Variants in PON1 observed in about 807,000 individuals in gnomAD.
PON1 encodes the protein paraoxonase 1, also known as serum paraoxonase/arylesterase 1.
In PON1, 37 loss-of-function variants were observed where a neutral mutation model predicts 39.2. The ratio of observed to expected loss-of-function variants is 0.94; its 90% CI spans 0.73 to 1.24. PON1 has a LOEUF of 1.24. PON1 is among the 50% of genes most tolerant of loss of function. PON1 has a pLI of 0.00. For synonymous variants in PON1, 148 were observed against 152.2 expected (o/e 0.97, Z 0.21); for missense variants, 397 against 413.5 (o/e 0.96, Z 0.35).
Position 95,316,803 on chromosome 7 carries a change from G to T in PON1, c.146-14C>A. The T allele has an allele frequency of 6.2e-7, 1 of 1,606,678 alleles. No homozygotes were observed. Among genetic ancestry groups the T allele is most frequent in the Non-Finnish European group, 8.5e-7 (1 of 1,173,196 alleles). On this transcript the variant is annotated splice_polypyrimidine_tract_variant and intron_variant, in intron 2 of 8. Transcript: ENST00000222381. ...CAGAGCCAGTTTCTGCCAGAAAAGA[G>T]AACAGAAAGTACAGGTTGTTTCATA...
chr7:95,304,032 G>A (rs890256615), intron 7 of PON1, among the ~76,000 whole-genome samples: 1 of 152,018 alleles, frequency 6.6e-6, no homozygotes, highest in African/African-American at 2.4e-5. Flanking sequence ...AAACTCAGTG[G>A]CATTAAGTAT....
At chr7:95,315,570 T>C (rs1353681495) in intron 3 of PON1, 80 bp from the exon 4 acceptor site, 13 of 1,458,376 alleles carry the variant, frequency 8.9e-6, no homozygotes, top group Non-Finnish European at 1.1e-5. Flanking sequence ...GGCCCATGGG[T>C]TCATGTTGAC....
At chr7:95,307,452 G>A (rs1007816016) in intron 6 of PON1, among the ~76,000 whole-genome samples, 2 of 152,202 alleles carry the variant, frequency 1.3e-5, no homozygotes, top group Non-Finnish European at 2.9e-5. Flanking sequence ...GATATTTCAT[G>A]TATATACCAA....
At chr7:95,299,961 C>T (rs562290287) in intron 8 of PON1, among the ~76,000 whole-genome samples, 6 of 152,164 alleles carry the variant, frequency 3.9e-5, no homozygotes, top group African/African-American at 1.2e-4. Flanking sequence ...ACACTTAATT[C>T]CTGGTTTTTA....
intron 3 of PON1, 91 bp downstream of exon 3, chr7:95,316,643 G>T: frequency 9.8e-7 from 1 of 1,018,916 alleles, no homozygotes; most frequent in Non-Finnish European, 1.6e-6. Context: ...TTGAAAGTGG[G>T]CATGGGTATA....
At chr7:95,316,925 T>C in intron 2 of PON1, 136 bp from the exon 3 acceptor site, 1 of 720,440 alleles carries the variant, frequency 1.4e-6, no homozygotes, top group East Asian at 2.6e-5. Context: ...ATTCATTCTT[T>C]CATTTATTCA....
chr7:95,315,835 G>C (rs1239154767), intron 3 of PON1, among the ~76,000 whole-genome samples: 1 of 152,234 alleles, frequency 6.6e-6, no homozygotes, highest in Non-Finnish European at 1.5e-5. Context: ...AAGGAATACA[G>C]AGAGAATATT....
intron 8 of PON1, 71 bp from the exon 9 acceptor site, chr7:95,299,173 C>T (rs1474711535): frequency 2.8e-6 from 4 of 1,424,294 alleles, no homozygotes; most frequent in Non-Finnish European, 3.0e-6. Context: ...ATAATAGGGT[C>T]ATCCTCCATA....
chr7:95,319,542 T>C (rs1486454128), intron 1 of PON1, among the ~76,000 whole-genome samples: 1 of 152,098 alleles, frequency 6.6e-6, no homozygotes, highest in African/African-American at 2.4e-5. Context: ...CCAGTCTAGG[T>C]ACTAGAAATA....
chr7:95,298,675 A>AATT lies in PON1; in HGVS notation c.*266_*268dup. Reference sequence around the variant, plus strand: ...CACACACTGTTATTTAATATCTGACAATTGACATAACTGATTTATCCATTT... The same window carrying AATT: ...CACACACTGTTATTTAATATCTGACAATTATTGACATAACTGATTTATCCATTT... On this transcript the variant is annotated 3_prime_UTR_variant, in exon 9 of 9. Coordinates refer to ENST00000222381, the MANE Select transcript of PON1 (RefSeq NM_000446.7). 1.9e-6 allele frequency: 1 copy of AATT among 518,720 alleles called. No homozygotes were observed. The highest frequency in any genetic ancestry group is 2.1e-5 in the South Asian group (1 of 48,634). 32.1% of individuals were successfully genotyped at this position (518,720 alleles called of 1,614,324 possible). A position where few individuals can be genotyped will look rare whatever the true frequency, so the allele number is the denominator to read the frequency against.
intron 1 of PON1, among the ~76,000 whole-genome samples, chr7:95,320,358 A>T (rs1352402827): frequency 6.6e-6 from 1 of 152,222 alleles, no homozygotes. Context: ...AACATAGAAT[A>T]ATCACAGTTA....
intron 8 of PON1, among the ~76,000 whole-genome samples, chr7:95,299,912 A>C (rs1227904390): frequency 6.6e-6 from 1 of 152,188 alleles, no homozygotes; most frequent in African/African-American, 2.4e-5. Context: ...GTCCGTTTTC[A>C]TGTATTTTCA....
chr7:95,318,551 G>A (rs1807825150), intron 1 of PON1, 158 bp from the exon 2 acceptor site: 1 of 643,650 alleles, frequency 1.6e-6, no homozygotes, highest in Non-Finnish European at 2.8e-6. Context: ...GCCAGGGCAA[G>A]ACAAGTGGGG....
rs568198078 is a variant in PON1, at chr7:95,306,383, G to A, written c.699-17C>T. 2.6e-6 allele frequency: 4 copies of A among 1,536,764 alleles called. No homozygotes were observed. The East Asian group carries it at 9.0e-5, about 35-fold the overall frequency. On this transcript the variant is annotated splice_polypyrimidine_tract_variant and intron_variant, in intron 6 of 8. Coordinates refer to ENST00000222381, the MANE Select transcript of PON1 (RefSeq NM_000446.7). Reference sequence around the variant, plus strand: ...TAGACATACCTTCAAAGAAGAAAGAGCTACATCAAAGTACTAGAAGTAACA... The same window carrying A: ...TAGACATACCTTCAAAGAAGAAAGAACTACATCAAAGTACTAGAAGTAACA...
chr7:95,307,887 T>A, intron 6 of PON1, 124 bp downstream of exon 6: 1 of 994,976 alleles, frequency 1.0e-6, no homozygotes, highest in Non-Finnish European at 1.5e-6. Context: ...TTTTACATTT[T>A]TCCTAATTTT....
intron 8 of PON1, among the ~76,000 whole-genome samples, chr7:95,301,825 C>T (rs1485024197): frequency 4.0e-5 from 6 of 151,830 alleles, no homozygotes; most frequent in East Asian, 3.9e-4. Flanking sequence ...CGGTGGCTCA[C>T]GCCTGTAATC....
chr7:95,321,167 G>A (rs1428498287), intron 1 of PON1, among the ~76,000 whole-genome samples: 1 of 152,114 alleles, frequency 6.6e-6, no homozygotes. Context: ...AATGAATAGA[G>A]TGAGAATTCA....
rs745406920 is a variant in PON1 at position 95,299,109 on chromosome 7, A to G, written c.910-7T>C. 5.6e-6 allele frequency: 9 copies of G among 1,613,492 alleles called. 1 individual carries two copies. In the South Asian group the frequency reaches 6.6e-5, roughly 12 times the overall value. ...TGTTCTGGATTCGAAGCACCTGTGG[A>G]AGAAATAACATTGGGTTAATATTTT... On this transcript the variant is annotated splice_region_variant and splice_polypyrimidine_tract_variant and intron_variant, in intron 8 of 8. Coordinates refer to ENST00000222381, the MANE Select transcript of PON1 (RefSeq NM_000446.7).
intron 2 of PON1, among the ~76,000 whole-genome samples, chr7:95,317,573 CAA>C (rs869140411): frequency 4.5e-4 from 21 of 46,844 alleles, no homozygotes; most frequent in African/African-American, 1.1e-3. Flanking sequence ...TCTAAAAGAA[CAA>C]AAAAAAAAAA....
Sources: allele counts gnomAD v4.1 joint callset (sites outside exome capture counted in the v4.1 genomes callset), GRCh38; gene constraint gnomAD v4.1.1; transcripts MANE v1.5; gene names NCBI Gene and HGNC (gene_info 2026-07-23, HGNC 2026-07-21).